Variants in ATP11C observed in about 807,000 individuals in gnomAD.
ATP11C encodes phospholipid-transporting ATPase IG.
A neutral mutation model predicts 97.4 loss-of-function variants in ATP11C; 36 were observed. That is an observed-to-expected ratio of 0.37 (90% CI 0.28 to 0.49). ATP11C has a LOEUF of 0.49. Ranked by LOEUF, ATP11C falls within the 20% of genes least tolerant of loss-of-function variation. The pLI is 0.98. For synonymous variants in ATP11C, 275 were observed against 290.9 expected (o/e 0.95, Z 0.56); for missense variants, 730 against 824.6 (o/e 0.89, Z 1.40).
chrX:139,733,012 G>C (rs112941558), intron 28 of ATP11C, among the ~76,000 whole-genome samples: 23 of 111,212 alleles, frequency 2.1e-4, no homozygotes, highest in African/African-American at 7.5e-4. Flanking sequence ...GCAGTTGCAG[G>C]ATAAAAACTT....
chrX:139,890,293 G>A (rs755869590), intron 1 of ATP11C, among the ~76,000 whole-genome samples: 1 of 111,056 alleles, frequency 9.0e-6, no homozygotes, highest in East Asian at 2.8e-4. Flanking sequence ...CACTTTGGGA[G>A]GCCGAGGCAG....
At chrX:139,787,946 C>CA (rs1233011503) in intron 14 of ATP11C, among the ~76,000 whole-genome samples, 2 of 112,498 alleles carry the variant, frequency 1.8e-5, no homozygotes, top group African/African-American at 6.5e-5. Flanking sequence ...TATGAACATT[C>CA]AGACTTCTGG....
chrX:139,933,552 C>A (rs1008803828), upstream of ATP11C, among the ~76,000 whole-genome samples: 31 of 112,505 alleles, frequency 2.8e-4, no homozygotes, highest in African/African-American at 9.4e-4. Context: ...TTTTCACCGC[C>A]CCTTAAGGCG....
At chrX:139,877,042 C>G (rs2084485721) in intron 1 of ATP11C, among the ~76,000 whole-genome samples, 1 of 112,140 alleles carries the variant, frequency 8.9e-6, no homozygotes, top group Non-Finnish European at 1.9e-5. Flanking sequence ...AGGACAAACA[C>G]TCATGTGAGA....
At chrX:139,904,797 G>A (rs1395163475) in intron 1 of ATP11C, among the ~76,000 whole-genome samples, 1 of 111,160 alleles carries the variant, frequency 9.0e-6, no homozygotes, top group African/African-American at 3.3e-5. Flanking sequence ...TGGGAAGACC[G>A]CACACAGTAG....
At chrX:139,915,706 T>C (rs994133968) in intron 1 of ATP11C, among the ~76,000 whole-genome samples, 1 of 111,565 alleles carries the variant, frequency 9.0e-6, no homozygotes, top group African/African-American at 3.3e-5. Context: ...TAATAAACAC[T>C]TCATTTGGTA....
chrX:139,863,640 T>C (rs758426553), intron 1 of ATP11C, among the ~76,000 whole-genome samples: 31 of 112,063 alleles, frequency 2.8e-4, no homozygotes, highest in African/African-American at 9.1e-4. Context: ...ATTTAAACAA[T>C]TGATGACACA....
chrX:139,800,852 A>C (rs1446795416), intron 7 of ATP11C, among the ~76,000 whole-genome samples: 1 of 112,316 alleles, frequency 8.9e-6, no homozygotes, highest in Non-Finnish European at 1.9e-5. Context: ...TTTCCCCAGA[A>C]AATAGAAATA....
Position 139,729,108 on chromosome X carries a change from G to A in ATP11C, c.*4-146C>T. ...AAGTGCCAAGTTTTATTCACATGCAGGGGAAAAAAAGAGTGACACTATAAC... is the reference window on the plus strand; with the variant it reads ...AAGTGCCAAGTTTTATTCACATGCAAGGGAAAAAAAGAGTGACACTATAAC... On this transcript the variant is annotated intron_variant, in intron 29 of 29. Transcript: ENST00000682941. 7.2e-6 allele frequency: 3 copies of A among 418,848 alleles called. No individual in the cohort carries two copies. In the Admixed American group the frequency reaches 1.2e-4, roughly 17 times the overall value. The allele number at this position is 418,848 out of a possible 1,213,427, so 34.5% of individuals were successfully genotyped here.
At chrX:139,875,186 A>G (rs773135753) in intron 1 of ATP11C, among the ~76,000 whole-genome samples, 5 of 111,267 alleles carry the variant, frequency 4.5e-5, no homozygotes, top group Non-Finnish European at 7.5e-5. Context: ...TCTGGCCACT[A>G]AAGTTCTTTT....
chrX:139,865,176 C>A (rs2084260574), intron 1 of ATP11C, among the ~76,000 whole-genome samples: 1 of 111,153 alleles, frequency 9.0e-6, no homozygotes, highest in African/African-American at 3.3e-5. Flanking sequence ...GAGTCCAAGA[C>A]CAACATGGCA....
At chrX:139,849,588 T>C (rs2083958889) in intron 1 of ATP11C, among the ~76,000 whole-genome samples, 1 of 111,901 alleles carries the variant, frequency 8.9e-6, no homozygotes, top group African/African-American at 3.3e-5. Flanking sequence ...CTTCCTCACC[T>C]CCTCTTCACT....
intron 18 of ATP11C, among the ~76,000 whole-genome samples, chrX:139,776,227 A>G (rs894697043): frequency 1.8e-5 from 2 of 112,121 alleles, no homozygotes; most frequent in Non-Finnish European, 3.8e-5. Context: ...TACCTGGAGA[A>G]ACTTTTCACC....
intron 1 of ATP11C, among the ~76,000 whole-genome samples, chrX:139,930,320 T>C (rs1201067057): frequency 9.1e-6 from 1 of 109,394 alleles, no homozygotes; most frequent in Non-Finnish European, 1.9e-5. Flanking sequence ...AATGGGCTTT[T>C]AGACCAATAC....
At position 139,737,988 on chromosome X, in the gene ATP11C, A is replaced by G. The variant is rs1050542132; in HGVS notation, c.3216T>C (p.Leu1072=). The change falls in exon 28 of 30, where the codon CTT becomes CTC. Residue 1072 remains leucine (L), a synonymous_variant. Coordinates refer to ENST00000682941, the MANE Select transcript of ATP11C (RefSeq NM_001353812.2). The part of the protein sequence containing the change: ...SSVSTWLAII[L]LIFISLFPEI... ...CAGGGAACAGGCTGATAAATATTAGAAGAATTATAGCCAACCATGTGGATA... is the reference window on the plus strand; with the variant it reads ...CAGGGAACAGGCTGATAAATATTAGGAGAATTATAGCCAACCATGTGGATA... 4 of 1,201,411 alleles carry G rather than the reference A, an allele frequency of 3.3e-6. No individual in the cohort carries two copies. In the African/African-American group the frequency reaches 5.3e-5, roughly 16 times the overall value.
chrX:139,733,809 C>T (rs1302510349), intron 28 of ATP11C, among the ~76,000 whole-genome samples: 2 of 111,240 alleles, frequency 1.8e-5, no homozygotes, highest in African/African-American at 3.3e-5. Flanking sequence ...ATCCAACCAT[C>T]GGAGATAAAA....
intron 1 of ATP11C, among the ~76,000 whole-genome samples, chrX:139,872,721 G>A (rs749708365): frequency 9.0e-6 from 1 of 111,530 alleles, no homozygotes; most frequent in Non-Finnish European, 1.9e-5. Context: ...AAAAAAAATT[G>A]ACAGGAGGAA....
chrX:139,746,951 T>C (rs1048478684), intron 24 of ATP11C, among the ~76,000 whole-genome samples: 1 of 112,000 alleles, frequency 8.9e-6, no homozygotes, highest in African/African-American at 3.2e-5. Context: ...TAAATGCAAC[T>C]AATCCTTGTT....
intron 16 of ATP11C, among the ~76,000 whole-genome samples, chrX:139,784,372 C>T (rs932989228): frequency 3.6e-5 from 4 of 111,719 alleles, no homozygotes; most frequent in African/African-American, 9.8e-5. Context: ...TTTGCAATCA[C>T]ACCACAAAGT....
Sources: gnomAD v4.1 joint callset for allele counts (sites outside exome capture counted in the v4.1 genomes callset) on GRCh38, gnomAD v4.1.1 for gene constraint, MANE v1.5 for transcripts, NCBI Gene and HGNC (gene_info 2026-07-23, HGNC 2026-07-21) for gene names.